The following SPINK5 variants were observed in gnomAD, a reference collection of about 807,000 sequenced individuals.
The protein encoded by SPINK5 is serine protease inhibitor Kazal-type 5.
SPINK5 carries 125 observed loss-of-function variants against 151.8 expected under a neutral mutation model. That is an observed-to-expected ratio of 0.82 (90% CI 0.71 to 0.96). The LOEUF is 0.96. SPINK5 is among the 40% of genes least tolerant of loss of function. The probability of loss-of-function intolerance (pLI) is 0.00; values close to 1 mark genes in which losing one functional copy is unlikely to be tolerated. For synonymous variants in SPINK5, 374 were observed against 395.3 expected (o/e 0.95, Z 0.64); for missense variants, 1,194 against 1,291.9 (o/e 0.92, Z 1.16).
At chr5:148,128,675 C>A (rs1289661328) in intron 30 of SPINK5, among the ~76,000 whole-genome samples, 1 of 152,124 alleles carries the variant, frequency 6.6e-6, no homozygotes, top group African/African-American at 2.4e-5. Flanking sequence ...ACTACAGGTG[C>A]CCGCCACCAC....
At chr5:148,080,718 T>C (rs1752997425) in intron 4 of SPINK5, among the ~76,000 whole-genome samples, 1 of 151,434 alleles carries the variant, frequency 6.6e-6, no homozygotes, top group Admixed American at 6.6e-5. Flanking sequence ...GGAAAAAAAT[T>C]CATGAACTTG....
At chr5:148,089,126 G>T in intron 6 of SPINK5, 1 of 465,230 alleles carries the variant, frequency 2.1e-6, no homozygotes, top group Non-Finnish European at 4.3e-6. Flanking sequence ...AAGGTCTGAT[G>T]CCCTTTTTAT....
At chr5:148,120,412 T>A in intron 26 of SPINK5, 21 bp downstream of exon 26, 1 of 1,580,488 alleles carries the variant, frequency 6.3e-7, no homozygotes, top group Non-Finnish European at 8.6e-7. Context: ...TTAGACACGC[T>A]AATACCTGAA....
At position 148,064,031 on chromosome 5, in the gene SPINK5, G is replaced by C. The variant is rs757323626; in HGVS notation, c.-14G>C. The stretch of plus-strand genomic sequence containing the variant: ...CATGGAGTGGACCTGTAGGCGACTT[G>C]CATCGTCTTCAACATGAAGATAGCC... On this transcript the variant is annotated 5_prime_UTR_variant, in exon 1 of 33. Transcript: ENST00000256084. 6.2e-7 allele frequency: 1 copy of C among 1,614,088 alleles called. No homozygotes were observed. Among genetic ancestry groups the C allele is most frequent in the Admixed American group, 1.7e-5 (1 of 60,018 alleles).
intron 22 of SPINK5, among the ~76,000 whole-genome samples, chr5:148,118,053 C>G (rs1431649947): frequency 1.3e-5 from 2 of 152,108 alleles, no homozygotes; most frequent in Non-Finnish European, 2.9e-5. Context: ...GAGTCTCACC[C>G]TGTCACCCAG....
intron 7 of SPINK5, among the ~76,000 whole-genome samples, chr5:148,090,314 G>A (rs577133070): frequency 5.9e-5 from 9 of 151,844 alleles, no homozygotes; most frequent in African/African-American, 1.4e-4. Flanking sequence ...GCAAACAAAC[G>A]TCACACCTGC....
At chr5:148,129,512 AATG>A (rs35948261) in intron 30 of SPINK5, among the ~76,000 whole-genome samples, 84,454 of 151,098 alleles carry the variant, frequency 0.56, 24,233 homozygotes, top group Admixed American at 0.65. Flanking sequence ...ATGTTAAAAA[AATG>A]AAGAGAGAGA....
intron 26 of SPINK5, among the ~76,000 whole-genome samples, chr5:148,123,445 C>A (rs11742391): frequency 0.055 from 7,222 of 130,184 alleles, 767 homozygotes; most frequent in African/African-American, 0.2. Context: ...ATCTATCTAT[C>A]TATATATATA....
rs763146140 is a variant in SPINK5, at chr5:148,116,349, C to A, written c.2016-21C>A. 1.9e-6 allele frequency: 3 copies of A among 1,612,226 alleles called. No individual in the cohort carries two copies. The East Asian group carries it at 6.7e-5, about 36-fold the overall frequency. Reference sequence around the variant, plus strand: ...CTCTCTGTAATCTATTGTTCCCTACCTCCCACTTTCTAATTTCCAGCCAGA... The same window carrying A: ...CTCTCTGTAATCTATTGTTCCCTACATCCCACTTTCTAATTTCCAGCCAGA... On this transcript the variant is annotated intron_variant, in intron 21 of 32. Coordinates refer to ENST00000256084, the MANE Select transcript of SPINK5 (RefSeq NM_006846.4).
rs771730802 is a variant in SPINK5, at chr5:148,065,377, G to A, written c.81+5G>A. On this transcript the variant is annotated splice_donor_5th_base_variant and intron_variant, in intron 2 of 32. Coordinates refer to ENST00000256084, the MANE Select transcript of SPINK5 (RefSeq NM_006846.4). ...GCCAGTAAGAATGAAGATCAGGTTA[G>A]TCCTGCTTTTTCTGTTCATTGAATT... 37 of 1,613,322 alleles carry A rather than the reference G, an allele frequency of 2.3e-5. No homozygotes were observed. The highest frequency in any genetic ancestry group is 3.1e-5 in the Non-Finnish European group (37 of 1,179,746).
At chr5:148,073,321 G>A (rs907949505) in intron 4 of SPINK5, among the ~76,000 whole-genome samples, 1 of 151,914 alleles carries the variant, frequency 6.6e-6, no homozygotes. Context: ...GAGAACCTCA[G>A]CCTCCACAGT....
chr5:148,118,234 G>C (rs1754150933), intron 22 of SPINK5, among the ~76,000 whole-genome samples: 1 of 152,140 alleles, frequency 6.6e-6, no homozygotes, highest in Admixed American at 6.5e-5. Context: ...GTCCAGGCTG[G>C]TCTTGAACTC....
intron 13 of SPINK5, 57 bp from the exon 14 acceptor site, chr5:148,101,298 T>C: frequency 8.0e-7 from 1 of 1,247,620 alleles, no homozygotes; most frequent in Admixed American, 1.7e-5. Flanking sequence ...TTGAGATCAC[T>C]TCTAATGTGG....
At chr5:148,108,894 G>T in intron 18 of SPINK5, 57 bp downstream of exon 18, 1 of 1,603,708 alleles carries the variant, frequency 6.2e-7, no homozygotes, top group Non-Finnish European at 8.5e-7. Context: ...TCTCCCTAGG[G>T]AGGGCTCCTA....
chr5:148,124,604 A>G (rs1023738505), intron 27 of SPINK5, among the ~76,000 whole-genome samples, 161 bp from the exon 28 acceptor site: 1 of 152,196 alleles, frequency 6.6e-6, no homozygotes, highest in Non-Finnish European at 1.5e-5. Context: ...TCCAACAATC[A>G]GAACTGATTA....
intron 22 of SPINK5, among the ~76,000 whole-genome samples, chr5:148,118,005 T>C (rs959683888): frequency 1.3e-5 from 2 of 151,942 alleles, no homozygotes; most frequent in Non-Finnish European, 2.9e-5. Flanking sequence ...CAGACCTAGA[T>C]GTTAGGGGTT....
intron 11 of SPINK5, among the ~76,000 whole-genome samples, chr5:148,098,477 C>T (rs1341317427): frequency 2.5e-5 from 3 of 119,020 alleles, no homozygotes; most frequent in Middle Eastern, 4.8e-3. Flanking sequence ...TCAAGATTTA[C>T]GATAGCTCTT....
intron 31 of SPINK5, among the ~76,000 whole-genome samples, chr5:148,132,363 T>TA (rs1208465676): frequency 1.3e-5 from 2 of 152,154 alleles, no homozygotes; most frequent in African/African-American, 4.8e-5. Context: ...GACTCCCTGA[T>TA]ATCCTGCTTT....
intron 31 of SPINK5, among the ~76,000 whole-genome samples, chr5:148,133,268 T>G (rs1467902064): frequency 1.3e-5 from 2 of 152,190 alleles, no homozygotes; most frequent in Non-Finnish European, 2.9e-5. Flanking sequence ...AAAGACAAAT[T>G]GCACTGCCTT....
Sources: gnomAD v4.1 joint callset for allele counts (sites outside exome capture counted in the v4.1 genomes callset) on GRCh38, gnomAD v4.1.1 for gene constraint, MANE v1.5 for transcripts, NCBI Gene and HGNC (gene_info 2026-07-23, HGNC 2026-07-21) for gene names.